Variants in SUDS3 observed in about 807,000 individuals in gnomAD.
SUDS3 encodes SIN3A corepressor complex component SDS3.
Under a neutral mutation model 53.5 loss-of-function variants are expected in SUDS3, and 23 were observed. The ratio of observed to expected loss-of-function variants is 0.43; its 90% confidence interval spans 0.31 to 0.61. SUDS3 has a LOEUF of 0.61. SUDS3 is among the 20% of genes least tolerant of loss of function. The pLI is 0.10. For synonymous variants in SUDS3, 150 were observed against 148.5 expected (o/e 1.01, Z -0.08); for missense variants, 291 against 405.9 (o/e 0.72, Z 2.43).
intron 6 of SUDS3, among the ~76,000 whole-genome samples, chr12:118,395,927 A>G (rs1001742863): frequency 1.3e-5 from 2 of 151,814 alleles, no homozygotes; most frequent in Admixed American, 6.6e-5. Flanking sequence ...TCCTGACCTC[A>G]GGTGATCTGC....
At chr12:118,383,905 C>G (rs1057489537) in intron 2 of SUDS3, 107 bp from the exon 3 acceptor site, 1 of 963,476 alleles carries the variant, frequency 1.0e-6, no homozygotes, top group Non-Finnish European at 1.6e-6. Context: ...CCCTGAAGGA[C>G]ATTAATGACC....
rs915765892 is a variant in SUDS3, at chr12:118,415,679, A to G, written c.*1246A>G. ...ACTGTTAGCGTCTCTATGAGCAATC[A>G]GTAGAACTTACACATCCTAGGAAAT... On this transcript the variant is annotated 3_prime_UTR_variant, in exon 12 of 12. Transcript: ENST00000543473. 4 of 152,226 alleles carry G rather than the reference A, an allele frequency of 2.6e-5. No individual in the cohort carries two copies. Among genetic ancestry groups the G allele is most frequent in the African/African-American group, 9.7e-5 (4 of 41,450 alleles). The allele number at this position is 152,226 out of a possible 1,614,324, so 9.4% of individuals were successfully genotyped here. A position where few individuals can be genotyped will look rare whatever the true frequency, so the allele number is the denominator to read the frequency against.
chr12:118,389,822 A>T, intron 4 of SUDS3, 105 bp from the exon 5 acceptor site: 1 of 1,373,498 alleles, frequency 7.3e-7, no homozygotes, highest in Non-Finnish European at 1.0e-6. Flanking sequence ...TTGCTTTGTA[A>T]CATGCTTTCA....
chr12:118,383,099 T>C (rs890227568), intron 2 of SUDS3, among the ~76,000 whole-genome samples: 4 of 152,208 alleles, frequency 2.6e-5, no homozygotes, highest in African/African-American at 9.7e-5. Flanking sequence ...AAATTCTGCC[T>C]ACTCTCCTCC....
At chr12:118,376,918 G>A in intron 1 of SUDS3, 85 bp downstream of exon 1, 1 of 1,329,758 alleles carries the variant, frequency 7.5e-7, no homozygotes, top group Non-Finnish European at 9.7e-7. Context: ...GAGGGGCGGG[G>A]CGGCCTCCGG....
At chr12:118,397,399 T>G (rs1488390617) in intron 6 of SUDS3, among the ~76,000 whole-genome samples, 1 of 152,142 alleles carries the variant, frequency 6.6e-6, no homozygotes, top group Non-Finnish European at 1.5e-5. Context: ...CCAGGTGCAC[T>G]CAGACCTGGG....
chr12:118,403,304 G>C, intron 9 of SUDS3, 108 bp from the exon 10 acceptor site: 1 of 854,226 alleles, frequency 1.2e-6, no homozygotes, highest in Non-Finnish European at 1.9e-6. Flanking sequence ...TAAGGGCTCA[G>C]TGATGATTAT....
At chr12:118,403,377 A>G (rs1445351362) in intron 9 of SUDS3, 35 bp from the exon 10 acceptor site, 3 of 1,522,508 alleles carry the variant, frequency 2.0e-6, no homozygotes, top group Admixed American at 3.5e-5. Flanking sequence ...TGTGTTTGTT[A>G]CATTCTTAGT....
intron 4 of SUDS3, among the ~76,000 whole-genome samples, chr12:118,387,770 C>G (rs932699636): frequency 4.6e-5 from 7 of 152,130 alleles, no homozygotes; most frequent in African/African-American, 1.7e-4. Flanking sequence ...AGGCTGCTCT[C>G]AAACTCCTGA....
chr12:118,411,532 C>T (rs2046359659), intron 11 of SUDS3, among the ~76,000 whole-genome samples: 1 of 151,918 alleles, frequency 6.6e-6, no homozygotes, highest in Non-Finnish European at 1.5e-5. Flanking sequence ...GAGTCTCACT[C>T]TGTTGCCCAG....
rs780445182 is a variant in SUDS3, at chr12:118,380,228, A to C, written c.209A>C (p.Glu70Ala). 1.9e-6 allele frequency: 3 copies of C among 1,604,880 alleles called. No individual in the cohort carries two copies. In the South Asian group the frequency reaches 3.4e-5, roughly 18 times the overall value. Residue 70 changes from glutamate (E) to alanine (A), a missense_variant, in exon 2 of 12, where the codon GAA (glutamate) becomes GCA (alanine). Physicochemically the swap from Glu to Ala is moderately radical, Grantham distance 107 (BLOSUM62 -1). Transcript: ENST00000543473. ...GAAGAAGACTATGTAGAAATGAAGG[A>C]ACAGTGAGTATGATATGCCTATGTC... ...HDEEDYVEMK[E>A]QMYQDKLASL...
intron 1 of SUDS3, 138 bp downstream of exon 1, chr12:118,376,971 C>CG (rs921709980): frequency 2.4e-5 from 28 of 1,159,146 alleles, no homozygotes; most frequent in African/African-American, 2.1e-4. Flanking sequence ...TTGCGGGGCT[C>CG]GGGGAAGTTA....
intron 10 of SUDS3, among the ~76,000 whole-genome samples, chr12:118,405,905 A>G (rs755258936): frequency 6.6e-6 from 1 of 152,078 alleles, no homozygotes; most frequent in Non-Finnish European, 1.5e-5. Flanking sequence ...GAGGGTATGG[A>G]GTATTTTGGT....
rs1423741028 is a variant in SUDS3 at position 118,386,177 on chromosome 12, G to A, written c.332G>A (p.Arg111Gln). 8.8e-6 allele frequency: 14 copies of A among 1,598,298 alleles called. No individual in the cohort carries two copies. The highest frequency in any genetic ancestry group is 1.2e-5 in the Non-Finnish European group (14 of 1,172,174). The change falls in exon 4 of 12, where the codon CGG becomes CAG. Residue 111 changes from arginine to glutamine, a missense_variant. Physicochemically the swap from Arg to Gln is conservative, Grantham distance 43. Coordinates refer to ENST00000543473, the MANE Select transcript of SUDS3 (RefSeq NM_022491.3). ...KLDQQYKERI[R>Q]NAELFLQLET... ...GATCAGCAGTACAAAGAGAGGATAC[G>A]GAATGCAGGTAAGGCTCCTTTAAAT...
intron 10 of SUDS3, chr12:118,404,562 G>C (rs1181311758): frequency 6.6e-6 from 1 of 152,164 alleles, no homozygotes; most frequent in East Asian, 1.9e-4. Context: ...TACGCTTTCT[G>C]CTAGATATGA....
chr12:118,406,177 C>A (rs1034974130), intron 10 of SUDS3, among the ~76,000 whole-genome samples: 15 of 152,188 alleles, frequency 9.9e-5, no homozygotes, highest in African/African-American at 3.4e-4. Context: ...TTGAAAATAA[C>A]TAATTGATGG....
intron 4 of SUDS3, 21 bp downstream of exon 4, chr12:118,386,206 A>T: frequency 6.4e-7 from 1 of 1,568,308 alleles, no homozygotes; most frequent in Non-Finnish European, 8.7e-7. Context: ...TTTAAATGGC[A>T]ATGAATCATC....
chr12:118,393,913 C>G (rs555677559), intron 6 of SUDS3, among the ~76,000 whole-genome samples: 47 of 151,968 alleles, frequency 3.1e-4, no homozygotes, highest in Non-Finnish European at 5.0e-4. Flanking sequence ...TCAGGTGATC[C>G]GCCTGCCTCA....
intron 6 of SUDS3, among the ~76,000 whole-genome samples, chr12:118,392,189 C>G (rs1335182899): frequency 6.6e-6 from 1 of 152,210 alleles, no homozygotes. Flanking sequence ...TCTTACAATT[C>G]GGAAAGTGCT....
Sources: gnomAD v4.1 joint callset for allele counts (sites outside exome capture counted in the v4.1 genomes callset) on GRCh38, gnomAD v4.1.1 for gene constraint, MANE v1.5 for transcripts, NCBI Gene and HGNC (gene_info 2026-07-23, HGNC 2026-07-21) for gene names.